TMEM255B: variants seen among roughly 807,000 people sequenced by gnomAD.
The protein encoded by TMEM255B is transmembrane protein 255B, also known as family with sequence similarity 70, member B.
TMEM255B carries 35 observed loss-of-function variants against 34.5 expected under a neutral mutation model. The observed-to-expected ratio is 1.01, with a 90% confidence interval of 0.77 to 1.34. TMEM255B has a LOEUF of 1.34. Ranked by LOEUF, TMEM255B falls within the 40% of genes most tolerant of loss-of-function variation. The pLI is 0.00. For synonymous variants in TMEM255B, 206 were observed against 201.2 expected (o/e 1.02, Z -0.20); for missense variants, 432 against 433.2 (o/e 1.00, Z 0.02).
At chr13:113,808,950 T>TG (rs915403817) in intron 8 of TMEM255B, among the ~76,000 whole-genome samples, 17 of 142,850 alleles carry the variant, frequency 1.2e-4, no homozygotes, top group African/African-American at 4.4e-4. Context: ...CTGTGGTTTC[T>TG]GGGGGTTTAC....
At chr13:113,775,962 G>A (rs1015586379) in intron 3 of TMEM255B, among the ~76,000 whole-genome samples, 2 of 152,218 alleles carry the variant, frequency 1.3e-5, no homozygotes, top group African/African-American at 4.8e-5. Flanking sequence ...GCATCGGCAG[G>A]TCTCTGTGTG....
At chr13:113,808,158 G>A (rs2051220612) in intron 8 of TMEM255B, among the ~76,000 whole-genome samples, 2 of 152,282 alleles carry the variant, frequency 1.3e-5, no homozygotes, top group East Asian at 3.9e-4. Context: ...TATTCAGGGT[G>A]TTCCATGGAA....
At chr13:113,802,332 C>T (rs560154078) in intron 7 of TMEM255B, among the ~76,000 whole-genome samples, 3 of 152,308 alleles carry the variant, frequency 2.0e-5, no homozygotes, top group South Asian at 2.1e-4. Context: ...TGGCCCGGGC[C>T]GGATGTCCTC....
At chr13:113,766,048 G>T in intron 1 of TMEM255B, 67 bp from the exon 2 acceptor site, 2 of 1,597,338 alleles carry the variant, frequency 1.3e-6, no homozygotes, top group Non-Finnish European at 1.7e-6. Flanking sequence ...ACGGCCCAGA[G>T]CCTGCTGGCC....
At chr13:113,811,710 C>T in intron 8 of TMEM255B, 26 bp from the exon 9 acceptor site, 1 of 1,612,618 alleles carries the variant, frequency 6.2e-7, no homozygotes, top group South Asian at 1.1e-5. Context: ...CACCTGCTAA[C>T]CCAGGGCCCT....
intron 5 of TMEM255B, 109 bp downstream of exon 5, chr13:113,799,528 T>C (rs1414929848): frequency 9.8e-6 from 10 of 1,024,530 alleles, no homozygotes; most frequent in Non-Finnish European, 1.5e-5. Context: ...TTCTAATAGT[T>C]CCTGGGGGTC....
intron 1 of TMEM255B, among the ~76,000 whole-genome samples, chr13:113,760,135 G>A (rs1436430813): frequency 1.3e-5 from 2 of 152,138 alleles, no homozygotes; most frequent in Non-Finnish European, 2.9e-5. Context: ...GGGCTCTGCC[G>A]CTCCCTCAGA....
In TMEM255B at chr13:113,807,444, C is replaced by T. The variant is rs1214102022; in HGVS notation, c.813+2416C>T. ...GGGGGGTGGTCCTCCCCGTCACACG[C>T]AGGCTTACGGGATGTGGGGGTGGTC... On this transcript the variant is annotated intron_variant, in intron 8 of 8. Transcript: ENST00000375353. Among the ~76,000 whole-genome samples, 452 of 116,302 alleles carry T rather than the reference C, an allele frequency of 3.9e-3. 2 individuals are homozygous for T. Among genetic ancestry groups the T allele is most frequent in the East Asian group, 9.5e-3 (33 of 3,474 alleles). 76.3% of individuals were successfully genotyped at this position (116,302 alleles called of 152,430 possible). A position where few individuals can be genotyped will look rare whatever the true frequency, so the allele number is the denominator to read the frequency against.
intron 8 of TMEM255B, among the ~76,000 whole-genome samples, chr13:113,808,551 T>C (rs1402900127): frequency 6.7e-6 from 1 of 149,462 alleles, no homozygotes; most frequent in East Asian, 2.1e-4. Context: ...TCCTGGGGGG[T>C]TTACTCCATG....
At chr13:113,782,222 TTAAA>T (rs1206476772) in intron 3 of TMEM255B, among the ~76,000 whole-genome samples, 1 of 152,226 alleles carries the variant, frequency 6.6e-6, no homozygotes, top group Non-Finnish European at 1.5e-5. Context: ...TATAAAACCT[TTAAA>T]TAAGCTTTGA....
chr13:113,772,786 C>G (rs919611646), intron 3 of TMEM255B, among the ~76,000 whole-genome samples: 1 of 152,194 alleles, frequency 6.6e-6, no homozygotes, highest in Non-Finnish European at 1.5e-5. Context: ...TGTGCCGGTA[C>G]CACAGTCTTG....
chr13:113,778,593 C>G (rs2050617809), intron 3 of TMEM255B, among the ~76,000 whole-genome samples: 1 of 151,504 alleles, frequency 6.6e-6, no homozygotes, highest in African/African-American at 2.4e-5. Flanking sequence ...ACTGTGGCGT[C>G]TTCTCCCGGG....
rs192962856 is a variant in TMEM255B, at chr13:113,785,364, C to T, written c.253-9784C>T. ...TTCTAATACCATGACAGAGGTTGCC[C>T]TCCAGGCAAAACACTGCAGGGCAGA... On this transcript the variant is annotated intron_variant, in intron 3 of 8. Transcript: ENST00000375353. Among the ~76,000 whole-genome samples the T allele has an allele frequency of 9.2e-5, 14 of 152,326 alleles. No homozygotes were observed. In the East Asian group the frequency reaches 2.1e-3, roughly 23 times the overall value.
Position 113,759,267 on chromosome 13 carries a change from G to C in TMEM255B, c.-3G>C. 1 of 1,228,594 alleles carries C rather than the reference G, an allele frequency of 8.1e-7. No homozygotes were observed. The highest frequency in any genetic ancestry group is 1.0e-6 in the Non-Finnish European group (1 of 985,912). The allele number at this position is 1,228,594 out of a possible 1,614,324, so 76.1% of individuals were successfully genotyped here. A position where few individuals can be genotyped will look rare whatever the true frequency, so the allele number is the denominator to read the frequency against. On this transcript the variant is annotated 5_prime_UTR_variant, in exon 1 of 9. Transcript: ENST00000375353. ...CCCCGGGAGAGCCGGGTGGGGCCTC[G>C]GGATGCAGCCGCCGGTGCCCGGGCC... is the stretch of plus-strand genomic sequence containing the variant.
rs143574293 is a variant in TMEM255B at position 113,771,525 on chromosome 13, C to T, written c.252+2365C>T. On this transcript the variant is annotated intron_variant, in intron 3 of 8. Coordinates refer to ENST00000375353, the MANE Select transcript of TMEM255B (RefSeq NM_182614.4). ...TGAAATCCTGTCTGTACTAAAAATA[C>T]AAAATTAGCTGGGCATGGTGGCACA... Among the ~76,000 whole-genome samples the T allele has an allele frequency of 4.9e-3, 744 of 152,176 alleles. 1 individual carries two copies. The highest frequency in any genetic ancestry group is 0.017 in the African/African-American group (706 of 41,528).
chr13:113,812,148 G>T lies in TMEM255B; in HGVS notation c.*245G>T. The T allele has an allele frequency of 1.9e-6, 1 of 530,302 alleles. No individual in the cohort carries two copies. The highest frequency in any genetic ancestry group is 3.3e-6 in the Non-Finnish European group (1 of 305,012). The allele number at this position is 530,302 out of a possible 1,614,324, so 32.8% of individuals were successfully genotyped here. A position where few individuals can be genotyped will look rare whatever the true frequency, so the allele number is the denominator to read the frequency against. ...CTGCTCACATCAAATGGCGCTGAAA[G>T]TTCCCACCCGGCCTCCTCCTCTGAG... On this transcript the variant is annotated 3_prime_UTR_variant, in exon 9 of 9. Coordinates refer to ENST00000375353, the MANE Select transcript of TMEM255B (RefSeq NM_182614.4).
intron 3 of TMEM255B, among the ~76,000 whole-genome samples, chr13:113,772,183 A>G (rs932583784): frequency 6.6e-6 from 1 of 151,998 alleles, no homozygotes; most frequent in African/African-American, 2.4e-5. Flanking sequence ...TCATTTTTAC[A>G]TTGGGCTGCC....
At position 113,797,348 on chromosome 13, in the gene TMEM255B, G is replaced by A. The variant is rs552452833; in HGVS notation, c.343-1991G>A. Among the ~76,000 whole-genome samples, 7 of 152,368 alleles carry A rather than the reference G, an allele frequency of 4.6e-5. No individual in the cohort carries two copies. In the South Asian group the frequency reaches 1.0e-3, roughly 23 times the overall value. The stretch of plus-strand genomic sequence containing the variant: ...TGTGCTGCTGAGGAAGAAGACAGAT[G>A]GTGAATTACAGCTCTAAGGGCGTCA... On this transcript the variant is annotated intron_variant, in intron 4 of 8. Transcript: ENST00000375353.
At chr13:113,795,918 C>CAG in intron 4 of TMEM255B, among the ~76,000 whole-genome samples, 1 of 135,106 alleles carries the variant, frequency 7.4e-6, no homozygotes, top group African/African-American at 2.8e-5. Flanking sequence ...ACACAGCACA[C>CAG]AGCACACACC....
Sources: allele counts gnomAD v4.1 joint callset (sites outside exome capture counted in the v4.1 genomes callset), GRCh38; gene constraint gnomAD v4.1.1; transcripts MANE v1.5; gene names NCBI Gene and HGNC (gene_info 2026-07-23, HGNC 2026-07-21).